FRMPD1: variants seen among roughly 807,000 people sequenced by gnomAD.
FRMPD1 encodes FERM and PDZ domain-containing protein 1.
A neutral mutation model predicts 117.8 loss-of-function variants in FRMPD1; 76 were observed. The observed-to-expected ratio is 0.65, with a 90% CI of 0.54 to 0.78. FRMPD1 has a LOEUF of 0.78. Among genes scored for constraint, FRMPD1 ranks in the 30% least tolerant of loss-of-function variants. The pLI is 0.00. For missense variants in FRMPD1, 1,786 were observed against 1,964.5 expected (o/e 0.91, Z 1.72); for synonymous variants, 783 against 770.4 (o/e 1.02, Z -0.27).
At chr9:37,611,876 G>T in the FRMPD1 span, among the ~76,000 whole-genome samples, 1 of 152,056 alleles carries the variant, frequency 6.6e-6, no homozygotes, top group South Asian at 2.1e-4. Context: ...AGAATGTGCA[G>T]CATTTCACAG....
the FRMPD1 span, chr9:37,637,158 T>C: frequency 1.9e-6 from 3 of 1,610,094 alleles, no homozygotes; most frequent in Non-Finnish European, 2.5e-6. Context: ...GTTTGGATCT[T>C]GAAGTCCACC....
chr9:37,745,572 C>A lies in FRMPD1; in HGVS notation c.3540C>A (p.Asp1180Glu). The change falls in exon 16 of 16, where the codon GAC becomes GAA. Residue 1180 changes from aspartate (D) to glutamate (E), a missense_variant. Coordinates refer to ENST00000377765, the MANE Select transcript of FRMPD1 (RefSeq NM_014907.3). Reference sequence around the variant, plus strand: ...AGATCCCACCACATCCCCCTAGAGACCCTCAAGGACAGAGCAGAGAACCCC... The same window carrying A: ...AGATCCCACCACATCCCCCTAGAGAACCTCAAGGACAGAGCAGAGAACCCC... ...TEQIPPHPPR[D>E]PQGQSREPPG... is the part of the protein sequence containing the mutation. 1.9e-6 allele frequency: 3 copies of A among 1,613,356 alleles called. No homozygotes were observed. Among genetic ancestry groups the A allele is most frequent in the Non-Finnish European group, 2.5e-6 (3 of 1,179,302 alleles).
At chr9:37,629,181 A>G in the FRMPD1 span, among the ~76,000 whole-genome samples, 2 of 151,188 alleles carry the variant, frequency 1.3e-5, no homozygotes, top group Non-Finnish European at 3.0e-5. Context: ...CCTGGGTGAT[A>G]GAGCGAGACT....
chr9:37,717,369 G>GTGTGTGTGTATA (rs1407798527), intron 5 of FRMPD1, among the ~76,000 whole-genome samples: 2,105 of 93,932 alleles, frequency 0.022, 43 homozygotes, highest in Non-Finnish European at 0.028. Flanking sequence ...GTGTGTGTGT[G>GTGTGTGTGTATA]TATATATATA....
At chr9:37,694,269 C>T (rs369776838) in intron 2 of FRMPD1, among the ~76,000 whole-genome samples, 14 of 152,164 alleles carry the variant, frequency 9.2e-5, no homozygotes, top group Non-Finnish European at 1.6e-4. Flanking sequence ...CTGCCTTCCC[C>T]GACTTGGTGA....
intron 1 of FRMPD1, among the ~76,000 whole-genome samples, chr9:37,684,298 T>C (rs1821844958): frequency 6.6e-6 from 1 of 152,276 alleles, no homozygotes; most frequent in South Asian, 2.1e-4. Context: ...GTGACTTAAC[T>C]TCTTCATGCC....
chr9:37,707,521 T>G lies in FRMPD1; in HGVS notation c.207T>G (p.Tyr69Ter), dbSNP rs73445151. Residue 69 changes from tyrosine (Y) to a stop codon, truncating the protein, a stop_gained, in exon 3 of 16, where the codon TAT becomes TAG. Coordinates refer to ENST00000377765, the MANE Select transcript of FRMPD1 (RefSeq NM_014907.3). LOFTEE classifies it high-confidence loss of function. ...KIDKDTLLQD[Y>*]GFHISESLPL... ...ACAAAGACACCCTCCTCCAGGACTA[T>G]GGATTTCACATTTCTGAGAGCCTTC... 1 of 1,613,996 alleles carries G rather than the reference T, an allele frequency of 6.2e-7. No individual in the cohort carries two copies. Among genetic ancestry groups the G allele is most frequent in the Non-Finnish European group, 8.5e-7 (1 of 1,179,862 alleles).
At position 37,737,226 on chromosome 9, in the gene FRMPD1, G is replaced by T; in HGVS notation, c.1532G>T (p.Arg511Leu). 6.2e-7 allele frequency: 1 copy of T among 1,614,042 alleles called. No individual in the cohort carries two copies. The highest frequency in any genetic ancestry group is 8.5e-7 in the Non-Finnish European group (1 of 1,180,000). The stretch of plus-strand genomic sequence containing the variant: ...CCTGGAAACAAACAACAAGCGCACC[G>T]GGTATCTGCAGAAGAAGGTGAGGCA... ...LWPGNKQQAH[R>L]VSAEEGYESR... Residue 511 changes from arginine (R) to leucine (L), a missense_variant, in exon 14 of 16, where the codon CGG (arginine) becomes CTG (leucine). Coordinates refer to ENST00000377765, the MANE Select transcript of FRMPD1 (RefSeq NM_014907.3).
intron 5 of FRMPD1, 27 bp from the exon 6 acceptor site, chr9:37,719,042 A>C: frequency 7.3e-7 from 1 of 1,375,786 alleles, no homozygotes; most frequent in Non-Finnish European, 1.0e-6. Flanking sequence ...GCACTGTTCC[A>C]AAATGCATCA....
the FRMPD1 span, among the ~76,000 whole-genome samples, chr9:37,620,419 T>G: frequency 1.3e-5 from 2 of 152,160 alleles, no homozygotes; most frequent in Admixed American, 1.3e-4. Flanking sequence ...TTCACAGGGC[T>G]GCTGTGAGAA....
At chr9:37,609,851 G>A in the FRMPD1 span, among the ~76,000 whole-genome samples, 1 of 152,078 alleles carries the variant, frequency 6.6e-6, no homozygotes, top group African/African-American at 2.4e-5. Flanking sequence ...TCTTCCTCAG[G>A]AAAGCCAAGC....
In FRMPD1 at chr9:37,746,000, A is replaced by C. The variant is rs1365769013; in HGVS notation, c.3968A>C (p.Glu1323Ala). The change falls in exon 16 of 16, where the codon GAG (glutamate) becomes GCG (alanine). Residue 1323 changes from glutamate to alanine, a missense_variant. Glu to Ala is a moderately radical substitution (Grantham distance 107). Transcript: ENST00000377765. Reference protein sequence around the residue: ...ATSLGFAGMNEMVAPRIGMDQ... With the variant: ...ATSLGFAGMNAMVAPRIGMDQ... ...TCTTTGGGTTTTGCAGGCATGAATG[A>C]GATGGTGGCTCCCAGGATAGGGATG... The C allele has an allele frequency of 1.9e-6, 3 of 1,614,230 alleles. No homozygotes were observed. The highest frequency in any genetic ancestry group is 4.5e-5 in the East Asian group (2 of 44,886).
In FRMPD1 at chr9:37,746,331, A is replaced by G; in HGVS notation, c.4299A>G (p.Gln1433=). 6.2e-7 allele frequency: 1 copy of G among 1,612,724 alleles called. No homozygotes were observed. Among genetic ancestry groups the G allele is most frequent in the South Asian group, 1.1e-5 (1 of 91,028 alleles). ...IQLMESLLEL[Q]DILETSWGVG... ...TCATGGAGAGCTTGCTGGAGCTACA[A>G]GACATTTTAGAAACTTCCTGGGGGG... is the stretch of plus-strand genomic sequence containing the variant. The change falls in exon 16 of 16, where the codon CAA becomes CAG. Residue 1433 remains glutamine (Q), a synonymous_variant. Coordinates refer to ENST00000377765, the MANE Select transcript of FRMPD1 (RefSeq NM_014907.3).
chr9:37,662,581 G>A (rs1821033710), intron 1 of FRMPD1, among the ~76,000 whole-genome samples: 1 of 152,162 alleles, frequency 6.6e-6, no homozygotes, highest in Admixed American at 6.5e-5. Context: ...ATCAATGTAT[G>A]GGCCCACTGC....
At position 37,746,698 on chromosome 9, in the gene FRMPD1, C is replaced by T. The variant is rs1299502061; in HGVS notation, c.4666C>T (p.Arg1556Cys). The stretch of plus-strand genomic sequence containing the variant: ...CGACCTGAGTGTGAAACTCCTGGCC[C>T]GTCAGTGCACGGCCCTCACGGCCGC... ...YHDLSVKLLA[R>C]QCTALTAAVF... Residue 1556 changes from arginine (R) to cysteine (C), a missense_variant, in exon 16 of 16, where the codon CGT becomes TGT. By Grantham distance (180) the Arg-to-Cys change is radical. Transcript: ENST00000377765. 5 of 1,614,062 alleles carry T rather than the reference C, an allele frequency of 3.1e-6. No individual in the cohort carries two copies. The highest frequency in any genetic ancestry group is 2.2e-5 in the East Asian group (1 of 44,884).
At chr9:37,671,824 G>A (rs1437336784) in intron 1 of FRMPD1, among the ~76,000 whole-genome samples, 1 of 152,122 alleles carries the variant, frequency 6.6e-6, no homozygotes, top group Non-Finnish European at 1.5e-5. Flanking sequence ...AAGTTAGCCG[G>A]GCGTGGTGGT....
the FRMPD1 span, among the ~76,000 whole-genome samples, chr9:37,644,427 C>T: frequency 2.0e-5 from 3 of 152,216 alleles, no homozygotes; most frequent in Admixed American, 6.5e-5. Flanking sequence ...TCCTGCACTG[C>T]GATTGTCTGT....
intron 15 of FRMPD1, 26 bp from the exon 16 acceptor site, chr9:37,744,363 T>C (rs758431498): frequency 2.7e-6 from 4 of 1,509,072 alleles, no homozygotes; most frequent in Non-Finnish European, 3.6e-6. Context: ...TGCTTTTTAA[T>C]GTATTTTTTC....
chr9:37,700,522 A>G (rs1054160526), intron 2 of FRMPD1, among the ~76,000 whole-genome samples: 3 of 152,234 alleles, frequency 2.0e-5, no homozygotes, highest in East Asian at 3.8e-4. Flanking sequence ...TGGAACTCGG[A>G]GGTGAATTCT....
Sources: allele counts gnomAD v4.1 joint callset (sites outside exome capture counted in the v4.1 genomes callset), GRCh38; gene constraint gnomAD v4.1.1; transcripts MANE v1.5; gene names NCBI Gene and HGNC (gene_info 2026-07-23, HGNC 2026-07-21).